Variants in SMG6 observed in about 807,000 individuals in gnomAD.
SMG6 encodes SMG6 nonsense mediated mRNA decay factor, also known as telomerase-binding protein EST1A.
SMG6 carries 66 observed loss-of-function variants against 142.2 expected under a neutral mutation model. The observed-to-expected ratio is 0.46, with a 90% CI of 0.38 to 0.57. The LOEUF is 0.57. Ranked by LOEUF, SMG6 falls within the 20% of genes least tolerant of loss-of-function variation. SMG6 has a pLI of 0.00. For missense variants in SMG6, 1,793 were observed against 1,832.0 expected (o/e 0.98, Z 0.39); for synonymous variants, 779 against 702.4 (o/e 1.11, Z -1.72).
At chr17:2,182,010 T>TA (rs1405784329) in intron 12 of SMG6, among the ~76,000 whole-genome samples, 1 of 152,018 alleles carries the variant, frequency 6.6e-6, no homozygotes, top group Non-Finnish European at 1.5e-5. Context: ...GAATCCTATC[T>TA]AAGAGACCTG....
At chr17:2,302,976 T>A (rs1001451439) in intron 1 of SMG6, 92 of 985,366 alleles carry the variant, frequency 9.3e-5, no homozygotes, top group East Asian at 1.1e-4. Context: ...CTCTATTGCC[T>A]AACGCAGGAG....
intron 14 of SMG6, 126 bp from the exon 15 acceptor site, chr17:2,082,082 TC>T: frequency 6.3e-6 from 6 of 955,144 alleles, no homozygotes; most frequent in Non-Finnish European, 9.5e-6. Flanking sequence ...TTGCAAAGGG[TC>T]CCCTGGTGTG....
intron 13 of SMG6, among the ~76,000 whole-genome samples, chr17:2,112,525 AAATAAAT>A (rs2069364819): frequency 2.1e-4 from 1 of 4,740 alleles, no homozygotes; most frequent in Admixed American, 2.5e-3. Flanking sequence ...ATAAAATAAA[AAATAAAT>A]AAATAAATAA....
chr17:2,145,096 TTTATG>T (rs1287021187), intron 13 of SMG6, among the ~76,000 whole-genome samples: 1 of 152,066 alleles, frequency 6.6e-6, no homozygotes, highest in Non-Finnish European at 1.5e-5. Context: ...TAGTTAGCAT[TTTATG>T]TTATTTATTT....
rs2074368600 is a variant in SMG6, at chr17:2,263,905, A to G, written c.2661+18742T>C. On this transcript the variant is annotated intron_variant, in intron 8 of 18. Transcript: ENST00000263073. ...TGAAATTCTGGCACCTTTAAGAGCAAAGAGGGATTTTACAGAATGATCAAA... is the reference window on the plus strand; with the variant it reads ...TGAAATTCTGGCACCTTTAAGAGCAGAGAGGGATTTTACAGAATGATCAAA... 2.6e-5 allele frequency among the ~76,000 whole-genome samples: 4 copies of G among 152,342 alleles called. No homozygotes were observed. The South Asian group carries it at 8.3e-4, about 32-fold the overall frequency.
chr17:2,198,257 TC>T (rs2072394106), intron 10 of SMG6, among the ~76,000 whole-genome samples: 1 of 152,288 alleles, frequency 6.6e-6, no homozygotes, highest in African/African-American at 2.4e-5. Flanking sequence ...TACTGTACAA[TC>T]CCATCTATAT....
intron 10 of SMG6, among the ~76,000 whole-genome samples, chr17:2,222,217 T>C (rs1254743357): frequency 4.6e-5 from 7 of 151,994 alleles, no homozygotes; most frequent in East Asian, 1.9e-4. Context: ...CATATACACA[T>C]TAATTATCTA....
Position 2,188,653 on chromosome 17 carries a change from G to A in SMG6, c.2870-138C>T, listed in dbSNP as rs2072067302. The A allele has an allele frequency of 7.4e-6, 5 of 678,700 alleles. No homozygotes were observed. The East Asian group carries it at 1.4e-4, about 19-fold the overall frequency. 42.0% of individuals were successfully genotyped at this position (678,700 alleles called of 1,614,324 possible). A position where few individuals can be genotyped will look rare whatever the true frequency, so the allele number is the denominator to read the frequency against. On this transcript the variant is annotated intron_variant, in intron 10 of 18. Transcript: ENST00000263073. Reference sequence around the variant, plus strand: ...TCTCTCAGAGTGGTCATAAGGCCAAGTAGAAAATGCATGTGAAGCACTTAC... The same window carrying A: ...TCTCTCAGAGTGGTCATAAGGCCAAATAGAAAATGCATGTGAAGCACTTAC...
Position 2,132,437 on chromosome 17 carries a change from T to A in SMG6, c.3357+40221A>T, listed in dbSNP as rs144595641. ...GTGGACTGTCAATTCAAGTGCCGGT[T>A]CTCACTGAGTTGTCTATGGGGAAGC... On this transcript the variant is annotated intron_variant, in intron 13 of 18. Transcript: ENST00000263073. 1.1e-4 allele frequency among the ~76,000 whole-genome samples: 16 copies of A among 152,338 alleles called. No individual in the cohort carries two copies. The East Asian group carries it at 3.1e-3, about 29-fold the overall frequency.
At chr17:2,212,917 G>A (rs761004244) in intron 10 of SMG6, among the ~76,000 whole-genome samples, 12 of 152,234 alleles carry the variant, frequency 7.9e-5, no homozygotes, top group Non-Finnish European at 1.6e-4. Flanking sequence ...AGGGTTTGGC[G>A]CTGCCTCACG....
chr17:2,061,365 G>A lies in SMG6; in HGVS notation c.*127C>T. On this transcript the variant is annotated 3_prime_UTR_variant, in exon 19 of 19. Coordinates refer to ENST00000263073, the MANE Select transcript of SMG6 (RefSeq NM_017575.5). ...CCACAGCATGGCCGTGGCGTGGGTTGGAAGAGGATGGTTTATTGTCTGGGT... is the reference window on the plus strand; with the variant it reads ...CCACAGCATGGCCGTGGCGTGGGTTAGAAGAGGATGGTTTATTGTCTGGGT... 3.2e-6 allele frequency: 3 copies of A among 941,598 alleles called. No individual in the cohort carries two copies. The highest frequency in any genetic ancestry group is 4.7e-6 in the Non-Finnish European group (3 of 637,526). The allele number at this position is 941,598 out of a possible 1,614,324, so 58.3% of individuals were successfully genotyped here.
chr17:2,253,296 T>C (rs973400506), intron 8 of SMG6, among the ~76,000 whole-genome samples: 2 of 152,054 alleles, frequency 1.3e-5, no homozygotes, highest in Non-Finnish European at 2.9e-5. Context: ...CGCCTGCCAC[T>C]ACGCCTGGCT....
intron 13 of SMG6, among the ~76,000 whole-genome samples, chr17:2,106,481 T>G (rs2069158835): frequency 6.6e-6 from 1 of 151,550 alleles, no homozygotes; most frequent in African/African-American, 2.4e-5. Flanking sequence ...CTCAGAGGAG[T>G]CTATTTACAA....
At chr17:2,217,258 T>C (rs1385253168) in intron 10 of SMG6, among the ~76,000 whole-genome samples, 1 of 152,118 alleles carries the variant, frequency 6.6e-6, no homozygotes, top group Non-Finnish European at 1.5e-5. Flanking sequence ...TAAAGTATTG[T>C]GATAATTTCA....
intron 10 of SMG6, among the ~76,000 whole-genome samples, chr17:2,220,289 T>C (rs2073136275): frequency 6.6e-6 from 1 of 152,120 alleles, no homozygotes; most frequent in Non-Finnish European, 1.5e-5. Context: ...ACTAGAAACC[T>C]GAGAAGAAAA....
In SMG6 at chr17:2,282,798, T is replaced by C. The variant is rs1483466199; in HGVS notation, c.2510A>G (p.Lys837Arg). Residue 837 changes from lysine to arginine, a missense_variant, in exon 8 of 19, where the codon AAA (lysine) becomes AGA (arginine). Physicochemically the swap from Lys to Arg is conservative, Grantham distance 26 (BLOSUM62 2). Transcript: ENST00000263073. ...ATGCCGGAAAGTAGACTTCTTTCCT[T>C]TCCGCCACTGGTCAGGGCTCAGGTC... ...EFDLSPDQWR[K>R]GKKSTFRHVG... 2 of 1,614,090 alleles carry C rather than the reference T, an allele frequency of 1.2e-6. No homozygotes were observed. Among genetic ancestry groups the C allele is most frequent in the Admixed American group, 1.7e-5 (1 of 60,006 alleles).
chr17:2,263,524 CA>C (rs1329775084), intron 8 of SMG6, among the ~76,000 whole-genome samples: 1 of 152,044 alleles, frequency 6.6e-6, no homozygotes, highest in Non-Finnish European at 1.5e-5. Context: ...AGATGGAAGA[CA>C]ACTCAAAAAA....
In SMG6 at chr17:2,132,867, C is replaced by T. The variant is rs533875348; in HGVS notation, c.3357+39791G>A. Among the ~76,000 whole-genome samples the T allele has an allele frequency of 1.7e-4, 26 of 152,278 alleles. No individual in the cohort carries two copies. In the East Asian group the frequency reaches 4.7e-3, roughly 27 times the overall value. On this transcript the variant is annotated intron_variant, in intron 13 of 18. Transcript: ENST00000263073. The stretch of plus-strand genomic sequence containing the variant: ...GTGGGAACATAGCTCACTGCAGCCT[C>T]GACCTCCCAGGCTCAAGCAATGTCC...
chr17:2,255,553 C>A (rs997205913), intron 8 of SMG6, among the ~76,000 whole-genome samples: 1 of 151,766 alleles, frequency 6.6e-6, no homozygotes, highest in Non-Finnish European at 1.5e-5. Flanking sequence ...CTGCCCCGTC[C>A]GGGAGGGAGG....
Sources: allele counts gnomAD v4.1 joint callset (sites outside exome capture counted in the v4.1 genomes callset), GRCh38; gene constraint gnomAD v4.1.1; transcripts MANE v1.5; gene names NCBI Gene and HGNC (gene_info 2026-07-23, HGNC 2026-07-21).